Variants in DCDC2 observed in about 807,000 individuals in gnomAD.
The protein encoded by DCDC2 is doublecortin domain-containing protein 2.
A neutral mutation model predicts 50.2 loss-of-function variants in DCDC2; 40 were observed. That is an observed-to-expected ratio of 0.80 (90% confidence interval 0.62 to 1.04). The LOEUF is 1.04. DCDC2 is among the 50% of genes least tolerant of loss of function. The pLI is 0.00. For missense variants in DCDC2, 570 were observed against 581.9 expected (o/e 0.98, Z 0.21); for synonymous variants, 234 against 210.6 (o/e 1.11, Z -0.96).
chr6:24,224,196 CA>C (rs1280425770), intron 7 of DCDC2, among the ~76,000 whole-genome samples: 1 of 152,204 alleles, frequency 6.6e-6, no homozygotes, highest in African/African-American at 2.4e-5. Context: ...ACACTTTCAT[CA>C]GTTCATTCGT....
chr6:24,254,826 T>C (rs1192302061), intron 7 of DCDC2, among the ~76,000 whole-genome samples: 3 of 96,510 alleles, frequency 3.1e-5, no homozygotes, highest in Non-Finnish European at 5.2e-5. Context: ...ATGTAATTCA[T>C]ACTATAAAAA....
intron 7 of DCDC2, among the ~76,000 whole-genome samples, chr6:24,233,562 T>C (rs182363726): frequency 2.6e-5 from 4 of 152,334 alleles, no homozygotes; most frequent in Admixed American, 6.5e-5. Context: ...CAGGTTTAAT[T>C]GTTTGACGCT....
intron 4 of DCDC2, among the ~76,000 whole-genome samples, chr6:24,295,829 A>T (rs1279087037): frequency 1.3e-5 from 2 of 152,150 alleles, no homozygotes; most frequent in Non-Finnish European, 2.9e-5. Flanking sequence ...AGATGACACA[A>T]ACAAACAGGA....
At chr6:24,303,397 C>T (rs12214822) in intron 2 of DCDC2, among the ~76,000 whole-genome samples, 9,964 of 152,156 alleles carry the variant, frequency 0.065, 359 homozygotes, top group Middle Eastern at 0.095. Context: ...CAGCCTGCTC[C>T]CCTCCATTCC....
intron 4 of DCDC2, among the ~76,000 whole-genome samples, chr6:24,298,397 T>A (rs1460343710): frequency 1.3e-5 from 2 of 152,198 alleles, no homozygotes; most frequent in Non-Finnish European, 2.9e-5. Flanking sequence ...ACAGTTCAGA[T>A]ACAATGGATA....
At chr6:24,328,582 T>C (rs1759915242) in intron 2 of DCDC2, among the ~76,000 whole-genome samples, 1 of 152,198 alleles carries the variant, frequency 6.6e-6, no homozygotes, top group Non-Finnish European at 1.5e-5. Flanking sequence ...GGTATATTGA[T>C]CAAACTAGTA....
intron 2 of DCDC2, among the ~76,000 whole-genome samples, chr6:24,310,017 A>G (rs2113844405): frequency 6.6e-6 from 1 of 152,268 alleles, no homozygotes; most frequent in East Asian, 1.9e-4. Flanking sequence ...GTAGGTTAAA[A>G]CTATGGAAAA....
At chr6:24,377,779 G>T in the DCDC2 span, among the ~76,000 whole-genome samples, 1 of 152,180 alleles carries the variant, frequency 6.6e-6, no homozygotes, top group African/African-American at 2.4e-5. Context: ...CCTGAGGTCA[G>T]GAGTTCGAGA....
chr6:24,376,568 T>A, the DCDC2 span, among the ~76,000 whole-genome samples: 40 of 152,202 alleles, frequency 2.6e-4, 1 homozygote, highest in African/African-American at 9.1e-4. Flanking sequence ...CCCTGGGACA[T>A]CCTAGAAATA....
At chr6:24,223,279 G>C (rs1762156422) in intron 7 of DCDC2, among the ~76,000 whole-genome samples, 1 of 152,180 alleles carries the variant, frequency 6.6e-6, no homozygotes, top group African/African-American at 2.4e-5. Context: ...GCACATTTTA[G>C]AACTAGATGA....
At position 24,312,479 on chromosome 6, in the gene DCDC2, A is replaced by G. The variant is rs534019636; in HGVS notation, c.349-10435T>C. Among the ~76,000 whole-genome samples the G allele has an allele frequency of 3.1e-4, 47 of 152,288 alleles. 1 individual carries two copies. In the South Asian group the frequency reaches 7.7e-3, roughly 25 times the overall value. ...TAATAATATTTTTTTTTAAATTCCA[A>G]TTGCACTAACCAGTGAGAAACTAGT... On this transcript the variant is annotated intron_variant, in intron 2 of 9. Transcript: ENST00000378454.
At chr6:24,340,264 C>G (rs903040160) in intron 2 of DCDC2, among the ~76,000 whole-genome samples, 1 of 152,080 alleles carries the variant, frequency 6.6e-6, no homozygotes, top group Non-Finnish European at 1.5e-5. Context: ...TCTGAGGATT[C>G]CCCTGGCTTA....
intron 2 of DCDC2, among the ~76,000 whole-genome samples, chr6:24,344,151 A>AT (rs1024706264): frequency 5.3e-5 from 8 of 150,434 alleles, no homozygotes; most frequent in Admixed American, 1.3e-4. Context: ...AGTAACCACC[A>AT]TTTTTTTTTC....
At chr6:24,314,347 C>G (rs1309138506) in intron 2 of DCDC2, among the ~76,000 whole-genome samples, 1 of 151,986 alleles carries the variant, frequency 6.6e-6, no homozygotes, top group Non-Finnish European at 1.5e-5. Context: ...GTGGCTCATT[C>G]CTATAATCCC....
chr6:24,221,912 T>A, intron 7 of DCDC2, among the ~76,000 whole-genome samples: 1 of 152,164 alleles, frequency 6.6e-6, no homozygotes, highest in East Asian at 1.9e-4. Flanking sequence ...GTACACCAAC[T>A]AGACCAAATC....
intron 2 of DCDC2, among the ~76,000 whole-genome samples, chr6:24,324,014 T>G (rs1325643948): frequency 6.6e-6 from 1 of 152,222 alleles, no homozygotes; most frequent in Non-Finnish European, 1.5e-5. Context: ...TTTTTTCACA[T>G]ACCAAGCTTA....
At chr6:24,348,330 A>G (rs187977156) in intron 2 of DCDC2, among the ~76,000 whole-genome samples, 1 of 152,326 alleles carries the variant, frequency 6.6e-6, no homozygotes, top group Admixed American at 6.5e-5. Context: ...AGATAAGAGA[A>G]GTTTATCCAA....
chr6:24,275,156 T>C (rs1407639865), intron 7 of DCDC2, among the ~76,000 whole-genome samples: 1 of 152,172 alleles, frequency 6.6e-6, no homozygotes, highest in African/African-American at 2.4e-5. Flanking sequence ...CAAAAGCACG[T>C]ACTTGGTTCT....
chr6:24,256,593 A>G (rs1162718887), intron 7 of DCDC2, among the ~76,000 whole-genome samples: 2 of 152,216 alleles, frequency 1.3e-5, no homozygotes, highest in South Asian at 2.1e-4. Flanking sequence ...AGAATACAGC[A>G]CATGAAAAAA....
Sources: gnomAD v4.1 joint callset for allele counts (sites outside exome capture counted in the v4.1 genomes callset) on GRCh38, gnomAD v4.1.1 for gene constraint, MANE v1.5 for transcripts, NCBI Gene and HGNC (gene_info 2026-07-23, HGNC 2026-07-21) for gene names.